Variants in OR1J2 observed in about 807,000 individuals in gnomAD.
The protein encoded by OR1J2 is olfactory receptor 1J2.
For missense variants in OR1J2, 304 were observed against 246.1 expected (o/e 1.24, Z -1.57); for synonymous variants, 142 against 99.7 (o/e 1.42, Z -2.52).
the OR1J2 span, among the ~76,000 whole-genome samples, chr9:122,579,533 A>G: frequency 2.0e-5 from 3 of 152,188 alleles, no homozygotes; most frequent in Admixed American, 1.3e-4. Context: ...AGGTTCTTAT[A>G]CATTCTATTA....
chr9:122,491,997 T>G, the OR1J2 span, among the ~76,000 whole-genome samples: 3 of 152,170 alleles, frequency 2.0e-5, no homozygotes, highest in African/African-American at 7.2e-5. Flanking sequence ...AGATTTAACA[T>G]TTTTTCTTTT....
At chr9:122,568,344 A>T in the OR1J2 span, 26 of 1,614,048 alleles carry the variant, frequency 1.6e-5, no homozygotes, top group Admixed American at 1.0e-4. Context: ...CAGGATGATG[A>T]GCAGGTTCCC....
At chr9:122,532,057 TTTGCCAGTCCTGGGTG>T in the OR1J2 span, among the ~76,000 whole-genome samples, 3 of 93,246 alleles carry the variant, frequency 3.2e-5, no homozygotes, top group African/African-American at 7.2e-5. Context: ...GAATAGCAAA[TTTGCCAGTCCTGGGTG>T]GGAGCAAATC....
chr9:122,501,808 CGTTT>C, the OR1J2 span, among the ~76,000 whole-genome samples: 2 of 152,038 alleles, frequency 1.3e-5, no homozygotes, highest in South Asian at 4.2e-4. Flanking sequence ...AAGGGCAAGT[CGTTT>C]ATTTGAGAAT....
the OR1J2 span, among the ~76,000 whole-genome samples, chr9:122,497,807 T>C: frequency 6.6e-6 from 1 of 152,196 alleles, no homozygotes; most frequent in Non-Finnish European, 1.5e-5. Flanking sequence ...CATTTAGCGC[T>C]ATAAACTTTC....
At chr9:122,562,267 C>T in the OR1J2 span, among the ~76,000 whole-genome samples, 2 of 152,368 alleles carry the variant, frequency 1.3e-5, no homozygotes, top group Admixed American at 1.3e-4. Flanking sequence ...AGGCAGCTAG[C>T]AGTCCCAGTG....
chr9:122,512,161 G>C (rs1828649478), downstream of OR1J2, among the ~76,000 whole-genome samples: 1 of 152,282 alleles, frequency 6.6e-6, no homozygotes, highest in South Asian at 2.1e-4. Flanking sequence ...TAGTGAAGTA[G>C]TGCTTCATAC....
chr9:122,477,894 C>A, the OR1J2 span: 1 of 1,609,452 alleles, frequency 6.2e-7, no homozygotes, highest in South Asian at 1.1e-5. Flanking sequence ...GGAGGAGGAA[C>A]TCGGACACGC....
chr9:122,547,058 G>T, the OR1J2 span, among the ~76,000 whole-genome samples: 1 of 151,784 alleles, frequency 6.6e-6, no homozygotes, highest in Non-Finnish European at 1.5e-5. Context: ...CCTGCTATTA[G>T]CTGTAATCAA....
the OR1J2 span, among the ~76,000 whole-genome samples, chr9:122,473,983 A>G: frequency 1.3e-5 from 2 of 152,150 alleles, no homozygotes; most frequent in Non-Finnish European, 2.9e-5. Flanking sequence ...CTAATACTGC[A>G]TGTTGTACCC....
the OR1J2 span, among the ~76,000 whole-genome samples, chr9:122,462,523 G>T: frequency 1.3e-5 from 2 of 152,192 alleles, no homozygotes; most frequent in African/African-American, 4.8e-5. Context: ...GGTCCTGTGA[G>T]ATTTATGCTT....
the OR1J2 span, among the ~76,000 whole-genome samples, chr9:122,460,401 T>G: frequency 6.6e-6 from 1 of 152,204 alleles, no homozygotes; most frequent in South Asian, 2.1e-4. Context: ...TTTGTTTCCT[T>G]TGTGAAAGAT....
downstream of OR1J2, among the ~76,000 whole-genome samples, chr9:122,516,300 CTTTTTT>C (rs1278693220): frequency 9.6e-6 from 1 of 104,160 alleles, no homozygotes; most frequent in African/African-American, 3.9e-5. Context: ...CATACATGGT[CTTTTTT>C]TTTTTTTTTT....
the OR1J2 span, among the ~76,000 whole-genome samples, chr9:122,480,074 C>T: frequency 8.5e-5 from 13 of 152,198 alleles, no homozygotes; most frequent in African/African-American, 3.1e-4. Flanking sequence ...TTTTTCAACT[C>T]ACATCAATAT....
chr9:122,473,089 G>A, the OR1J2 span, among the ~76,000 whole-genome samples: 2 of 152,188 alleles, frequency 1.3e-5, no homozygotes, highest in South Asian at 2.1e-4. Flanking sequence ...CCTGGAAGAC[G>A]ATATTCCTGT....
At chr9:122,534,620 G>A in the OR1J2 span, among the ~76,000 whole-genome samples, 28 of 152,166 alleles carry the variant, frequency 1.8e-4, no homozygotes, top group Non-Finnish European at 3.8e-4. Context: ...TAGGGTGGAG[G>A]AGCGGAGGCT....
At chr9:122,563,632 C>T in the OR1J2 span, among the ~76,000 whole-genome samples, 1 of 152,168 alleles carries the variant, frequency 6.6e-6, no homozygotes, top group African/African-American at 2.4e-5. Flanking sequence ...ATCCATTTGT[C>T]TATTTTTGCT....
the OR1J2 span, among the ~76,000 whole-genome samples, chr9:122,484,018 A>G: frequency 1.3e-5 from 2 of 152,112 alleles, no homozygotes; most frequent in African/African-American, 2.4e-5. Flanking sequence ...AGTAATATAT[A>G]TATCTTAAAA....
At chr9:122,454,286 G>C in the OR1J2 span, among the ~76,000 whole-genome samples, 1,131 of 152,304 alleles carry the variant, frequency 7.4e-3, 9 homozygotes, top group African/African-American at 0.026. Context: ...GGGAGGCCGA[G>C]GTGGGTGGAT....
Sources: allele counts gnomAD v4.1 joint callset (sites outside exome capture counted in the v4.1 genomes callset), GRCh38; gene constraint gnomAD v4.1.1; transcripts MANE v1.5; gene names NCBI Gene and HGNC (gene_info 2026-07-23, HGNC 2026-07-21).